TSPAN18: variants seen among roughly 807,000 people sequenced by gnomAD.
TSPAN18 encodes tetraspanin 18.
In TSPAN18, 14 loss-of-function variants were observed where a neutral mutation model predicts 27.3. That is an observed-to-expected ratio of 0.51 (90% confidence interval 0.34 to 0.80). The LOEUF is 0.80. TSPAN18 is among the 30% of genes least tolerant of loss of function. The pLI, the probability that TSPAN18 is intolerant of heterozygous loss-of-function variation, is 0.01. For synonymous variants in TSPAN18, 143 were observed against 136.5 expected (o/e 1.05, Z -0.33); for missense variants, 268 against 323.9 (o/e 0.83, Z 1.32).
chr11:44,803,923 G>A (rs757336271), intron 2 of TSPAN18, among the ~76,000 whole-genome samples: 13 of 152,124 alleles, frequency 8.5e-5, no homozygotes, highest in Non-Finnish European at 1.6e-4. Flanking sequence ...CCCCATTCCA[G>A]CAGTATTCTC....
chr11:44,889,894 G>T (rs1590635221), intron 3 of TSPAN18, among the ~76,000 whole-genome samples: 1 of 152,238 alleles, frequency 6.6e-6, no homozygotes. Context: ...GGTCCCAGAG[G>T]TCTGAGGGTT....
chr11:44,841,043 A>G (rs1221910419), intron 2 of TSPAN18, among the ~76,000 whole-genome samples: 1 of 152,154 alleles, frequency 6.6e-6, no homozygotes, highest in Non-Finnish European at 1.5e-5. Flanking sequence ...AGCACCCCCC[A>G]GGGCAGCAGG....
intron 2 of TSPAN18, among the ~76,000 whole-genome samples, chr11:44,767,182 C>T (rs1855586664): frequency 6.6e-6 from 1 of 152,216 alleles, no homozygotes; most frequent in South Asian, 2.1e-4. Flanking sequence ...TCCTGATGTG[C>T]TATCACTTGG....
In TSPAN18 at chr11:44,908,744, AAG is replaced by A. The variant is rs56785088; in HGVS notation, c.64-941_64-940del. On this transcript the variant is annotated intron_variant, in intron 4 of 9. Transcript: ENST00000520358. ...GCAAGACTGTCTCAAAAAAGAAAGA[AAG>A]AGAGAGAGAGAGAGAGAGAAAGGAG... Among the ~76,000 whole-genome samples the A allele has an allele frequency of 1.5e-4, 14 of 90,508 alleles. 1 individual carries two copies. Among genetic ancestry groups the A allele is most frequent in the Admixed American group, 5.1e-4 (4 of 7,796 alleles). The allele number at this position is 90,508 out of a possible 152,430, so 59.4% of individuals were successfully genotyped here.
At chr11:44,776,176 G>A (rs1200698486) in intron 2 of TSPAN18, among the ~76,000 whole-genome samples, 15 of 152,206 alleles carry the variant, frequency 9.9e-5, no homozygotes, top group Admixed American at 8.5e-4. Flanking sequence ...CACATTCGCT[G>A]TCTTCTCATT....
chr11:44,863,406 A>G (rs1183417069), intron 3 of TSPAN18, among the ~76,000 whole-genome samples: 1 of 152,184 alleles, frequency 6.6e-6, no homozygotes, highest in African/African-American at 2.4e-5. Context: ...TTTCAACTAC[A>G]GCTTGGGTAC....
At chr11:44,846,592 C>CTGTGTGTA (rs1857488282) in intron 2 of TSPAN18, among the ~76,000 whole-genome samples, 1 of 37,550 alleles carries the variant, frequency 2.7e-5, no homozygotes, top group East Asian at 2.5e-3. Flanking sequence ...AAGAGGCTGT[C>CTGTGTGTA]TGTGTGTGTG....
At chr11:44,802,469 A>G (rs891401358) in intron 2 of TSPAN18, among the ~76,000 whole-genome samples, 2 of 152,188 alleles carry the variant, frequency 1.3e-5, no homozygotes, top group Non-Finnish European at 2.9e-5. Context: ...TGCATTTTAA[A>G]TAAATCCCTC....
chr11:44,827,173 T>C (rs1005395542), intron 2 of TSPAN18, among the ~76,000 whole-genome samples: 4 of 152,202 alleles, frequency 2.6e-5, no homozygotes, highest in African/African-American at 7.2e-5. Flanking sequence ...GGGGGCCTGA[T>C]GGTTTTCTGG....
intron 2 of TSPAN18, among the ~76,000 whole-genome samples, chr11:44,844,709 G>A (rs1235849323): frequency 6.6e-6 from 1 of 152,178 alleles, no homozygotes; most frequent in East Asian, 1.9e-4. Context: ...ATTTGTAGGA[G>A]TTCTTTATAT....
At chr11:44,916,395 G>A (rs1859910072) in intron 5 of TSPAN18, among the ~76,000 whole-genome samples, 1 of 152,288 alleles carries the variant, frequency 6.6e-6, no homozygotes, top group Admixed American at 6.5e-5. Context: ...GCATCTGTGA[G>A]GAGGCCAGTG....
chr11:44,731,772 C>T (rs535248940), intron 1 of TSPAN18, among the ~76,000 whole-genome samples: 25 of 152,138 alleles, frequency 1.6e-4, no homozygotes, highest in African/African-American at 5.3e-4. Flanking sequence ...ATGGTAGCCC[C>T]GTCCCCATGG....
In TSPAN18 at chr11:44,929,247, C is replaced by G; in HGVS notation, c.*69C>G. ...CCCAGCACCCAGTGTCCTCCCGTGC[C>G]CCTCCCCGCTGTCCTCTTGGCCCCA... On this transcript the variant is annotated 3_prime_UTR_variant, in exon 10 of 10. Transcript: ENST00000520358. The G allele has an allele frequency of 3.1e-6, 5 of 1,594,970 alleles. No homozygotes were observed. The highest frequency in any genetic ancestry group is 4.3e-6 in the Non-Finnish European group (5 of 1,165,944).
intron 2 of TSPAN18, among the ~76,000 whole-genome samples, chr11:44,788,519 G>A (rs757315112): frequency 6.8e-6 from 1 of 146,648 alleles, no homozygotes; most frequent in Non-Finnish European, 1.5e-5. Context: ...GTGCAATGGC[G>A]TGATCTTGGC....
At chr11:44,916,617 AG>A (rs1343014069) in intron 5 of TSPAN18, among the ~76,000 whole-genome samples, 1 of 152,132 alleles carries the variant, frequency 6.6e-6, no homozygotes, top group African/African-American at 2.4e-5. Context: ...TGAGGCTGGA[AG>A]GGGTTTGTAT....
chr11:44,760,293 C>G (rs936536027), intron 1 of TSPAN18, among the ~76,000 whole-genome samples: 1 of 152,182 alleles, frequency 6.6e-6, no homozygotes, highest in Non-Finnish European at 1.5e-5. Flanking sequence ...GCTGGCAGAC[C>G]AGCCAGGAGC....
At chr11:44,749,056 G>A (rs1590415806) in intron 1 of TSPAN18, among the ~76,000 whole-genome samples, 1 of 152,194 alleles carries the variant, frequency 6.6e-6, no homozygotes, top group Non-Finnish European at 1.5e-5. Context: ...TGCATGTCTG[G>A]CAGAGCTGGA....
chr11:44,840,186 A>G (rs1857344885), intron 2 of TSPAN18, among the ~76,000 whole-genome samples: 1 of 152,226 alleles, frequency 6.6e-6, no homozygotes, highest in African/African-American at 2.4e-5. Flanking sequence ...GGGGCTGATC[A>G]TGCATGACCA....
intron 3 of TSPAN18, among the ~76,000 whole-genome samples, chr11:44,861,233 C>T (rs1294126777): frequency 6.6e-6 from 1 of 152,012 alleles, no homozygotes; most frequent in Admixed American, 6.6e-5. Context: ...GGAAGGAGAG[C>T]TTCTTTTTCC....
Sources: allele counts gnomAD v4.1 joint callset (sites outside exome capture counted in the v4.1 genomes callset), GRCh38; gene constraint gnomAD v4.1.1; transcripts MANE v1.5; gene names NCBI Gene and HGNC (gene_info 2026-07-23, HGNC 2026-07-21).